The following GPATCH2 variants were observed in gnomAD, a reference collection of about 807,000 sequenced individuals.
GPATCH2 encodes the protein G-patch domain containing 2.
A neutral mutation model predicts 58.0 loss-of-function variants in GPATCH2; 51 were observed. The ratio of observed to expected loss-of-function variants is 0.88; its 90% CI spans 0.70 to 1.11. The LOEUF (loss-of-function observed/expected upper bound fraction) is 1.11, where lower values mean the gene tolerates loss of function less well. GPATCH2 is among the 50% of genes most tolerant of loss of function. The pLI, the probability that GPATCH2 is intolerant of heterozygous loss-of-function variation, is 0.00. For missense variants in GPATCH2, 625 were observed against 652.2 expected (o/e 0.96, Z 0.45); for synonymous variants, 222 against 218.5 (o/e 1.02, Z -0.14).
At chr1:217,486,307 C>T (rs1661450376) in intron 8 of GPATCH2, among the ~76,000 whole-genome samples, 1 of 152,178 alleles carries the variant, frequency 6.6e-6, no homozygotes, top group Non-Finnish European at 1.5e-5. Context: ...ATTTTGTTGA[C>T]TCTCTTGTGC....
intron 8 of GPATCH2, among the ~76,000 whole-genome samples, chr1:217,467,644 TAA>T (rs1660523692): frequency 6.6e-6 from 1 of 151,940 alleles, no homozygotes; most frequent in African/African-American, 2.4e-5. Context: ...GTATAAACAA[TAA>T]AGTCTTGAAT....
At chr1:217,466,825 GGAGA>G (rs140092587) in intron 8 of GPATCH2, among the ~76,000 whole-genome samples, 2 of 151,794 alleles carry the variant, frequency 1.3e-5, no homozygotes, top group Non-Finnish European at 2.9e-5. Flanking sequence ...AGTAAGAGAA[GGAGA>G]GAGAGAGAGA....
intron 5 of GPATCH2, among the ~76,000 whole-genome samples, chr1:217,589,213 T>C (rs1250360587): frequency 6.6e-6 from 1 of 152,168 alleles, no homozygotes; most frequent in Non-Finnish European, 1.5e-5. Context: ...CTGACTGCTA[T>C]AATGGAACTG....
At chr1:217,522,850 A>G (rs1019602) in intron 5 of GPATCH2, among the ~76,000 whole-genome samples, 240 of 151,848 alleles carry the variant, frequency 1.6e-3, no homozygotes, top group Non-Finnish European at 2.6e-3. Flanking sequence ...ACACACACAC[A>G]CAACTTCTCA....
At chr1:217,483,586 T>C (rs977527395) in intron 8 of GPATCH2, among the ~76,000 whole-genome samples, 3 of 152,168 alleles carry the variant, frequency 2.0e-5, no homozygotes, top group African/African-American at 7.2e-5. Flanking sequence ...GTGGAATGCA[T>C]AGTAGGTCTA....
At chr1:217,459,229 G>A (rs1453371392) in intron 8 of GPATCH2, among the ~76,000 whole-genome samples, 1 of 152,080 alleles carries the variant, frequency 6.6e-6, no homozygotes, top group Non-Finnish European at 1.5e-5. Context: ...TAAACAGAAG[G>A]GTAAGATAGC....
At chr1:217,535,602 C>T (rs929113886) in intron 5 of GPATCH2, among the ~76,000 whole-genome samples, 11 of 152,164 alleles carry the variant, frequency 7.2e-5, no homozygotes, top group African/African-American at 2.4e-4. Flanking sequence ...CCATCCGCCT[C>T]GGCCTCCCAA....
chr1:217,558,591 C>A (rs17666182), intron 5 of GPATCH2, among the ~76,000 whole-genome samples: 1 of 152,022 alleles, frequency 6.6e-6, no homozygotes, highest in Non-Finnish European at 1.5e-5. Context: ...AATTCTGGTA[C>A]GTTCCCTGTT....
rs543178139 is a variant in GPATCH2, at chr1:217,590,040, T to G, written c.1098+20281A>C. On this transcript the variant is annotated intron_variant, in intron 5 of 9. Coordinates refer to ENST00000366935, the MANE Select transcript of GPATCH2 (RefSeq NM_018040.5). Reference sequence around the variant, plus strand: ...GTACAACGTCTTTTTTTTTTTTTTTTGAGACAGTCTCACTCTGCTACCCAG... The same window carrying G: ...GTACAACGTCTTTTTTTTTTTTTTTGGAGACAGTCTCACTCTGCTACCCAG... 1.9e-3 allele frequency among the ~76,000 whole-genome samples: 281 copies of G among 151,416 alleles called. 2 individuals carry two copies. The highest frequency in any genetic ancestry group is 6.6e-3 in the African/African-American group (271 of 41,272).
chr1:217,433,676 G>A (rs528098044), intron 9 of GPATCH2, among the ~76,000 whole-genome samples: 31 of 152,194 alleles, frequency 2.0e-4, no homozygotes, highest in African/African-American at 2.9e-4. Flanking sequence ...GATTACAGGC[G>A]TGAGCCACCA....
At chr1:217,450,001 C>G (rs921391694) in intron 8 of GPATCH2, among the ~76,000 whole-genome samples, 5 of 151,542 alleles carry the variant, frequency 3.3e-5, no homozygotes, top group Non-Finnish European at 7.4e-5. Context: ...TTTTTGGAAC[C>G]AGTTACTATA....
At chr1:217,502,460 A>G (rs1662355582) in intron 6 of GPATCH2, among the ~76,000 whole-genome samples, 1 of 152,058 alleles carries the variant, frequency 6.6e-6, no homozygotes, top group African/African-American at 2.4e-5. Context: ...TATGAAGAAA[A>G]TGTTCAAATA....
chr1:217,614,166 C>A lies in GPATCH2; in HGVS notation c.810G>T (p.Leu270Phe), dbSNP rs1239902135. ...SSSLSSTDAG[L>F]FTNDEGRQGD... ...CTTGTCTTCCCTCATCATTGGTAAACAATCCAGCATCAGTGCTGCTGAGAC... is the reference window on the plus strand; with the variant it reads ...CTTGTCTTCCCTCATCATTGGTAAAAAATCCAGCATCAGTGCTGCTGAGAC... The change falls in exon 3 of 10, where the codon TTG (leucine) becomes TTT (phenylalanine). Residue 270 changes from leucine to phenylalanine, a missense_variant. By Grantham distance (22) the Leu-to-Phe change is conservative. Coordinates refer to ENST00000366935, the MANE Select transcript of GPATCH2 (RefSeq NM_018040.5). 6.3e-7 allele frequency: 1 copy of A among 1,585,534 alleles called. No homozygotes were observed. Among genetic ancestry groups the A allele is most frequent in the Admixed American group, 1.7e-5 (1 of 59,912 alleles).
At chr1:217,509,321 G>A (rs1433933669) in intron 6 of GPATCH2, among the ~76,000 whole-genome samples, 5 of 152,050 alleles carry the variant, frequency 3.3e-5, no homozygotes, top group Non-Finnish European at 7.4e-5. Flanking sequence ...AGTCTGGAGT[G>A]AGTCATCTGG....
chr1:217,590,716 T>A (rs1434133874), intron 5 of GPATCH2, among the ~76,000 whole-genome samples: 2 of 152,222 alleles, frequency 1.3e-5, no homozygotes, highest in Non-Finnish European at 2.9e-5. Context: ...GTATATTATC[T>A]GCCTGGCCAC....
At chr1:217,599,597 A>T (rs1367570916) in intron 5 of GPATCH2, among the ~76,000 whole-genome samples, 1 of 152,160 alleles carries the variant, frequency 6.6e-6, no homozygotes, top group African/African-American at 2.4e-5. Flanking sequence ...TTTCTCAATT[A>T]ATTTTCAGTT....
At chr1:217,571,336 C>T (rs1666527045) in intron 5 of GPATCH2, among the ~76,000 whole-genome samples, 1 of 152,056 alleles carries the variant, frequency 6.6e-6, no homozygotes, top group East Asian at 1.9e-4. Flanking sequence ...CAAACAGGTG[C>T]TCAGTATAAT....
At chr1:217,487,586 C>T (rs1438620312) in intron 8 of GPATCH2, among the ~76,000 whole-genome samples, 8 of 151,876 alleles carry the variant, frequency 5.3e-5, no homozygotes, top group African/African-American at 1.9e-4. Context: ...CCACCAAGCC[C>T]GGCTAATTTT....
At chr1:217,433,768 G>A (rs265138) in intron 9 of GPATCH2, among the ~76,000 whole-genome samples, 69,953 of 151,986 alleles carry the variant, frequency 0.46, 17,747 homozygotes, top group Middle Eastern at 0.67. Context: ...ATAGTAAAAG[G>A]AATGTCAGCA....
Sources: allele counts gnomAD v4.1 joint callset (sites outside exome capture counted in the v4.1 genomes callset), GRCh38; gene constraint gnomAD v4.1.1; transcripts MANE v1.5; gene names NCBI Gene and HGNC (gene_info 2026-07-23, HGNC 2026-07-21).